The following BDKRB1 variants were observed in gnomAD, a reference collection of about 807,000 sequenced individuals.
BDKRB1 encodes the protein bradykinin receptor B1.
For synonymous variants in BDKRB1, 192 were observed against 189.1 expected (o/e 1.02, Z -0.13); for missense variants, 414 against 441.4 (o/e 0.94, Z 0.56).
chr14:96,262,606 C>CTTTTTTTTTT lies in BDKRB1; in HGVS notation c.-129-35_-129-26dup, dbSNP rs34474132. The CTTTTTTTTTT allele has an allele frequency of 6.5e-3, 2,012 of 309,892 alleles. 1 individual carries two copies. The highest frequency in any genetic ancestry group is 8.3e-3 in the South Asian group (393 of 47,106). 19.2% of individuals were successfully genotyped at this position (309,892 alleles called of 1,614,324 possible). A position where few individuals can be genotyped will look rare whatever the true frequency, so the allele number is the denominator to read the frequency against. On this transcript the variant is annotated intron_variant, in intron 1 of 2. Coordinates refer to ENST00000216629, the MANE Select transcript of BDKRB1 (RefSeq NM_000710.4). ...TTTTTCTTTTCTCTCTCTCTCTCTCCTTTTTTTTTTTTTTTTTTTTGTTGT... is the reference window on the plus strand; with the variant it reads ...TTTTTCTTTTCTCTCTCTCTCTCTCCTTTTTTTTTTTTTTTTTTTTTTTTTTTTTTGTTGT...
At chr14:96,261,859 G>A (rs996315720) in intron 1 of BDKRB1, among the ~76,000 whole-genome samples, 2 of 152,238 alleles carry the variant, frequency 1.3e-5, no homozygotes, top group African/African-American at 2.4e-5. Flanking sequence ...GGCTGTGGCC[G>A]GTTTTGCCAG....
In BDKRB1 at chr14:96,264,410, G is replaced by A. The variant is rs573449408; in HGVS notation, c.728G>A (p.Arg243His). 6.2e-6 allele frequency: 10 copies of A among 1,614,204 alleles called. No homozygotes were observed. Among genetic ancestry groups the A allele is most frequent in the African/African-American group, 2.7e-5 (2 of 75,072 alleles). The change falls in exon 3 of 3, where the codon CGC (arginine) becomes CAC (histidine). Residue 243 changes from arginine to histidine, a missense_variant. Coordinates refer to ENST00000216629, the MANE Select transcript of BDKRB1 (RefSeq NM_000710.4). ...GTCAGCAGGACAAGGTGCGGGGGCC[G>A]CAAGGATAGCAAGACCACAGCGCTG... ...EEVSRTRCGG[R>H]KDSKTTALIL...
chr14:96,256,472 A>G (rs2139810778), intron 1 of BDKRB1, among the ~76,000 whole-genome samples, 172 bp downstream of exon 1: 1 of 152,320 alleles, frequency 6.6e-6, no homozygotes, highest in East Asian at 1.9e-4. Context: ...AGAGACTTTT[A>G]TTTCATGCCT....
intron 1 of BDKRB1, among the ~76,000 whole-genome samples, chr14:96,258,126 C>T (rs749855776): frequency 6.6e-6 from 1 of 152,112 alleles, no homozygotes; most frequent in Non-Finnish European, 1.5e-5. Flanking sequence ...TATATGCATA[C>T]ACCTATGAAT....
intron 1 of BDKRB1, among the ~76,000 whole-genome samples, chr14:96,258,432 G>T (rs1885667150): frequency 6.6e-6 from 1 of 152,158 alleles, no homozygotes; most frequent in Non-Finnish European, 1.5e-5. Flanking sequence ...AATGTTCCCT[G>T]TGCAGGTTCT....
rs1885812934 is a variant in BDKRB1 at position 96,263,752 on chromosome 14, A to G, written c.70A>G (p.Thr24Ala). The G allele has an allele frequency of 1.9e-6, 3 of 1,614,192 alleles. No homozygotes were observed. The highest frequency in any genetic ancestry group is 2.5e-6 in the Non-Finnish European group (3 of 1,180,034). The change falls in exon 3 of 3, where the codon ACG becomes GCG. Residue 24 changes from threonine to alanine, a missense_variant. Physicochemically the swap from Thr to Ala is moderately conservative, Grantham distance 58. Transcript: ENST00000216629. ...NQSQLFPQNA[T>A]ACDNAPEAWD... The stretch of plus-strand genomic sequence containing the variant: ...GAGCCAGCTCTTCCCTCAAAATGCT[A>G]CGGCCTGTGACAATGCTCCAGAAGC...
At position 96,264,399 on chromosome 14, in the gene BDKRB1, G is replaced by T. The variant is rs772887692; in HGVS notation, c.717G>T (p.Arg239Ser). 6 of 1,614,226 alleles carry T rather than the reference G, an allele frequency of 3.7e-6. No homozygotes were observed. Among genetic ancestry groups the T allele is most frequent in the Non-Finnish European group, 5.1e-6 (6 of 1,180,042 alleles). ...LRTREEVSRTRCGGRKDSKTT... is the reference protein window; with the variant it reads ...LRTREEVSRTSCGGRKDSKTT... The stretch of plus-strand genomic sequence containing the variant: ...CGCGGGAGGAGGTCAGCAGGACAAG[G>T]TGCGGGGGCCGCAAGGATAGCAAGA... The change falls in exon 3 of 3, where the codon AGG becomes AGT. Residue 239 changes from arginine (R) to serine (S), a missense_variant. Arg to Ser is a moderately radical substitution (Grantham distance 110, BLOSUM62 -1). Transcript: ENST00000216629.
At chr14:96,262,252 C>T (rs1156727455) in intron 1 of BDKRB1, among the ~76,000 whole-genome samples, 2 of 152,232 alleles carry the variant, frequency 1.3e-5, no homozygotes, top group Non-Finnish European at 2.9e-5. Flanking sequence ...CTTTGTCATT[C>T]ATCGCGTGGG....
chr14:96,257,599 C>T lies in BDKRB1; in HGVS notation c.-130+1299C>T, dbSNP rs1477937101. Among the ~76,000 whole-genome samples, 3 of 152,100 alleles carry T rather than the reference C, an allele frequency of 2.0e-5. No individual in the cohort carries two copies. In the East Asian group the frequency reaches 5.8e-4, roughly 29 times the overall value. On this transcript the variant is annotated intron_variant, in intron 1 of 2. Transcript: ENST00000216629. ...ACCCTCCCATCTCTTCTCAAACTCT[C>T]AATGCCCCAGCCCCTCCACCACAGG... is the stretch of plus-strand genomic sequence containing the variant.
chr14:96,264,332 C>T lies in BDKRB1; in HGVS notation c.650C>T (p.Ala217Val), dbSNP rs773048836. The change falls in exon 3 of 3, where the codon GCG becomes GTG. Residue 217 changes from alanine to valine, a missense_variant. Transcript: ENST00000216629. Reference protein sequence around the residue: ...NILGFLLPLAAIVFFNYHILA... With the variant: ...NILGFLLPLAVIVFFNYHILA... ...CTGGGTTTCCTCCTACCACTGGCTG[C>T]GATCGTCTTCTTCAACTACCACATC... 1.1e-5 allele frequency: 17 copies of T among 1,614,224 alleles called. No homozygotes were observed. The highest frequency in any genetic ancestry group is 4.0e-5 in the African/African-American group (3 of 75,054).
intron 1 of BDKRB1, among the ~76,000 whole-genome samples, chr14:96,260,785 C>G (rs1464529529): frequency 6.6e-6 from 1 of 152,202 alleles, no homozygotes; most frequent in East Asian, 1.9e-4. Context: ...TATCTACTCT[C>G]TCCCTTGGTG....
intron 2 of BDKRB1, 71 bp downstream of exon 2, chr14:96,262,841 T>C (rs2139815766): frequency 1.7e-5 from 6 of 362,796 alleles, no homozygotes; most frequent in South Asian, 1.3e-4. Flanking sequence ...TTGCCCAGGC[T>C]GGTCTTGAAC....
At chr14:96,256,444 T>C (rs1885620605) in intron 1 of BDKRB1, 144 bp downstream of exon 1, 1 of 152,240 alleles carries the variant, frequency 6.6e-6, no homozygotes, top group African/African-American at 2.4e-5. Context: ...TTTTTAAAAA[T>C]AATTCTAAAT....
chr14:96,256,951 G>A (rs1330008864), intron 1 of BDKRB1, among the ~76,000 whole-genome samples: 1 of 152,192 alleles, frequency 6.6e-6, no homozygotes, highest in Admixed American at 6.5e-5. Context: ...TTGTAGACTT[G>A]CCCAGTGCCC....
chr14:96,263,484 C>G (rs1284924116), intron 2 of BDKRB1, among the ~76,000 whole-genome samples, 189 bp from the exon 3 acceptor site: 1 of 152,178 alleles, frequency 6.6e-6, no homozygotes, highest in Non-Finnish European at 1.5e-5. Context: ...CTTTGCAAGC[C>G]AGACAGTCTC....
chr14:96,262,530 T>A (rs1034877058), intron 1 of BDKRB1, 122 bp from the exon 2 acceptor site: 1 of 392,584 alleles, frequency 2.5e-6, no homozygotes, highest in Non-Finnish European at 4.9e-6. Flanking sequence ...TAATACCATC[T>A]AACAGATGTT....
At position 96,264,591 on chromosome 14, in the gene BDKRB1, T is replaced by C. The variant is rs1430798637; in HGVS notation, c.909T>C (p.Thr303=). The C allele has an allele frequency of 2.0e-5, 33 of 1,614,106 alleles. No individual in the cohort carries two copies. The Admixed American group carries it at 3.3e-4, about 16-fold the overall frequency. ...AATTGGCCAACTTCTTTGCCTTCAC[T>C]AACAGCTCCCTGAATCCAGTAATTT... is the stretch of plus-strand genomic sequence containing the variant. The part of the protein sequence containing the change: ...GLQLANFFAF[T]NSSLNPVIYV... Residue 303 remains threonine, a synonymous_variant, in exon 3 of 3, where the codon ACT becomes ACC. Transcript: ENST00000216629.
intron 1 of BDKRB1, among the ~76,000 whole-genome samples, chr14:96,261,398 G>A (rs1885745148): frequency 6.6e-6 from 1 of 152,222 alleles, no homozygotes; most frequent in African/African-American, 2.4e-5. Flanking sequence ...ATAACTGGAG[G>A]AACCAGTGAA....
chr14:96,262,524 A>G, intron 1 of BDKRB1, 128 bp from the exon 2 acceptor site: 1 of 386,296 alleles, frequency 2.6e-6, no homozygotes, highest in South Asian at 2.1e-5. Flanking sequence ...GACCATTAAT[A>G]CCATCTAACA....
Sources: allele counts gnomAD v4.1 joint callset (sites outside exome capture counted in the v4.1 genomes callset), GRCh38; gene constraint gnomAD v4.1.1; transcripts MANE v1.5; gene names NCBI Gene and HGNC (gene_info 2026-07-23, HGNC 2026-07-21).